UNC5C: variants seen among roughly 807,000 people sequenced by gnomAD.
UNC5C encodes netrin receptor UNC5C.
Under a neutral mutation model 99.8 loss-of-function variants are expected in UNC5C, and 47 were observed. That is an observed-to-expected ratio of 0.47 (90% CI 0.37 to 0.60). The LOEUF is 0.60. Among genes scored for constraint, UNC5C ranks in the 20% least tolerant of loss-of-function variants. UNC5C has a pLI of 0.00. For synonymous variants in UNC5C, 487 were observed against 452.2 expected, an observed-to-expected ratio of 1.08 and a Z score of -0.98; for missense variants, 1,062 against 1,165.9, an observed-to-expected ratio of 0.91 and a Z score of 1.30.
intron 1 of UNC5C, among the ~76,000 whole-genome samples, chr4:95,478,915 T>C (rs1189571013): frequency 6.6e-6 from 1 of 151,850 alleles, no homozygotes; most frequent in African/African-American, 2.4e-5. Flanking sequence ...TGAGAACTGA[T>C]TGTTAAAAGG....
chr4:95,510,928 A>G (rs981125988), intron 1 of UNC5C, among the ~76,000 whole-genome samples: 1 of 152,152 alleles, frequency 6.6e-6, no homozygotes, highest in Non-Finnish European at 1.5e-5. Flanking sequence ...AGTTGTTGTC[A>G]GAGACAATTA....
intron 1 of UNC5C, among the ~76,000 whole-genome samples, chr4:95,514,199 C>G (rs998521439): frequency 2.6e-5 from 4 of 152,030 alleles, no homozygotes; most frequent in African/African-American, 9.7e-5. Context: ...AACCCAGTAT[C>G]AAATCTGTTA....
intron 1 of UNC5C, among the ~76,000 whole-genome samples, chr4:95,363,663 A>G (rs1216142749): frequency 1.3e-5 from 2 of 152,190 alleles, no homozygotes; most frequent in Non-Finnish European, 2.9e-5. Context: ...GTGCCAAGTT[A>G]GTTCATTGTT....
At chr4:95,440,693 A>G (rs1201013220) in intron 1 of UNC5C, among the ~76,000 whole-genome samples, 1 of 152,170 alleles carries the variant, frequency 6.6e-6, no homozygotes, top group Non-Finnish European at 1.5e-5. Context: ...AAAAAAAAGC[A>G]GTAAGTCCCA....
chr4:95,467,030 C>A (rs181432051), intron 1 of UNC5C, among the ~76,000 whole-genome samples: 1 of 152,174 alleles, frequency 6.6e-6, no homozygotes, highest in South Asian at 2.1e-4. Flanking sequence ...TGATGACACT[C>A]GAGCCATGAT....
intron 1 of UNC5C, among the ~76,000 whole-genome samples, chr4:95,354,479 ATT>A (rs1553965987): frequency 2.6e-4 from 29 of 110,292 alleles, no homozygotes; most frequent in Admixed American, 3.8e-4. Flanking sequence ...ATATATATAT[ATT>A]TTTTTTTTTT....
chr4:95,431,919 T>C (rs1746647019), intron 1 of UNC5C, among the ~76,000 whole-genome samples: 1 of 152,142 alleles, frequency 6.6e-6, no homozygotes, highest in Non-Finnish European at 1.5e-5. Context: ...GCATGATTTC[T>C]GAACAAATTG....
Position 95,206,615 on chromosome 4 carries a change from G to T in UNC5C, c.1902+13C>A. The T allele has an allele frequency of 1.9e-6, 3 of 1,613,758 alleles. No homozygotes were observed. Among genetic ancestry groups the T allele is most frequent in the South Asian group, 1.1e-5 (1 of 91,006 alleles). On this transcript the variant is annotated intron_variant, in intron 11 of 15. Transcript: ENST00000453304. ...TATTCTTGCATAGCATCTTTATCCC[G>T]ACAGCAGCTCACCTCCCACTGTCCC...
chr4:95,416,846 G>A (rs977341730), intron 1 of UNC5C, among the ~76,000 whole-genome samples: 1 of 152,172 alleles, frequency 6.6e-6, no homozygotes, highest in Non-Finnish European at 1.5e-5. Context: ...ACAGCTAGCA[G>A]AGTGCCCATC....
At chr4:95,212,870 C>T (rs1738120731) in intron 10 of UNC5C, among the ~76,000 whole-genome samples, 1 of 152,184 alleles carries the variant, frequency 6.6e-6, no homozygotes, top group Non-Finnish European at 1.5e-5. Flanking sequence ...TAGATTCTCT[C>T]CATACCCTCT....
Position 95,165,534 on chromosome 4 carries a change from C to A in UNC5C, c.*3700G>T, listed in dbSNP as rs1440400838. 6.6e-6 allele frequency: 1 copy of A among 152,156 alleles called. No homozygotes were observed. The highest frequency in any genetic ancestry group is 2.4e-5 in the African/African-American group (1 of 41,426). The allele number at this position is 152,156 out of a possible 1,614,324, so 9.4% of individuals were successfully genotyped here. A position where few individuals can be genotyped will look rare whatever the true frequency, so the allele number is the denominator to read the frequency against. On this transcript the variant is annotated 3_prime_UTR_variant, in exon 16 of 16. Transcript: ENST00000453304. Reference sequence around the variant, plus strand: ...TGCCAGTTATCAATTCTGAATCCAACTTCTATTCCTTCCAGATACATTAAG... The same window carrying A: ...TGCCAGTTATCAATTCTGAATCCAAATTCTATTCCTTCCAGATACATTAAG...
intron 3 of UNC5C, among the ~76,000 whole-genome samples, chr4:95,297,306 A>T (rs1285473374): frequency 6.6e-6 from 1 of 152,178 alleles, no homozygotes; most frequent in Non-Finnish European, 1.5e-5. Context: ...GTATGACTCC[A>T]TTTCACAGTA....
chr4:95,477,603 C>T (rs1273029430), intron 1 of UNC5C, among the ~76,000 whole-genome samples: 2 of 152,018 alleles, frequency 1.3e-5, no homozygotes, highest in African/African-American at 4.8e-5. Flanking sequence ...CTCTGATGTG[C>T]TCATCCCTGT....
chr4:95,498,621 A>G (rs77737415), intron 1 of UNC5C, among the ~76,000 whole-genome samples: 1,529 of 151,894 alleles, frequency 0.01, 11 homozygotes, highest in Middle Eastern at 0.017. Context: ...ATCTCTACAT[A>G]TTTATAAAAT....
At chr4:95,468,973 C>T (rs1747883450) in intron 1 of UNC5C, among the ~76,000 whole-genome samples, 1 of 152,106 alleles carries the variant, frequency 6.6e-6, no homozygotes, top group Non-Finnish European at 1.5e-5. Context: ...TGTTTACAAA[C>T]AAAAGACTGT....
chr4:95,270,741 A>C (rs2149390810), intron 4 of UNC5C, among the ~76,000 whole-genome samples: 1 of 152,368 alleles, frequency 6.6e-6, no homozygotes, highest in South Asian at 2.1e-4. Context: ...CAAAACCTAA[A>C]GTAAAATGAC....
intron 7 of UNC5C, among the ~76,000 whole-genome samples, chr4:95,224,148 T>C (rs538718052): frequency 6.6e-6 from 1 of 152,262 alleles, no homozygotes; most frequent in African/African-American, 2.4e-5. Context: ...CTAGGCATGG[T>C]GGCGCGTGCC....
intron 9 of UNC5C, among the ~76,000 whole-genome samples, chr4:95,216,663 T>C (rs1738264420): frequency 6.6e-6 from 1 of 152,106 alleles, no homozygotes; most frequent in African/African-American, 2.4e-5. Flanking sequence ...TCCACAATGG[T>C]ATAAGAATTG....
chr4:95,455,500 A>G (rs1747402635), intron 1 of UNC5C, among the ~76,000 whole-genome samples: 1 of 152,028 alleles, frequency 6.6e-6, no homozygotes, highest in East Asian at 1.9e-4. Context: ...CTCCATCTCT[A>G]CAAAAAATTA....
Sources: gnomAD v4.1 joint callset for allele counts (sites outside exome capture counted in the v4.1 genomes callset) on GRCh38, gnomAD v4.1.1 for gene constraint, MANE v1.5 for transcripts, NCBI Gene and HGNC (gene_info 2026-07-23, HGNC 2026-07-21) for gene names.